The following NTRK3 variants were observed in gnomAD, a reference collection of about 807,000 sequenced individuals.
The protein encoded by NTRK3 is NT-3 growth factor receptor.
A neutral mutation model predicts 91.7 loss-of-function variants in NTRK3; 24 were observed. The ratio of observed to expected loss-of-function variants is 0.26; its 90% CI spans 0.19 to 0.37. The LOEUF (loss-of-function observed/expected upper bound fraction) is 0.37. Ranked by LOEUF, NTRK3 falls within the 10% of genes least tolerant of loss-of-function variation. The pLI is 1.00. For missense variants in NTRK3, 880 were observed against 1,068.9 expected, an observed-to-expected ratio of 0.82 and a Z score of 2.46; for synonymous variants, 483 against 404.0, an observed-to-expected ratio of 1.20 and a Z score of -2.34.
chr15:88,169,749 C>G (rs16941367), intron 5 of NTRK3, among the ~76,000 whole-genome samples: 8 of 152,288 alleles, frequency 5.3e-5, no homozygotes, highest in African/African-American at 1.9e-4. Flanking sequence ...GGCTTTCTCT[C>G]TCACTGCCAG....
intron 13 of NTRK3, among the ~76,000 whole-genome samples, chr15:88,090,853 GA>G (rs199929411): frequency 1.3e-5 from 2 of 150,686 alleles, no homozygotes; most frequent in Non-Finnish European, 3.0e-5. Context: ...CCCTAAATGT[GA>G]AAAAAAAAGC....
At chr15:88,167,166 A>C (rs2045044283) in intron 5 of NTRK3, among the ~76,000 whole-genome samples, 1 of 152,202 alleles carries the variant, frequency 6.6e-6, no homozygotes, top group Non-Finnish European at 1.5e-5. Context: ...ACTACTTTCA[A>C]GTTAGTTTCT....
intron 14 of NTRK3, among the ~76,000 whole-genome samples, chr15:88,010,092 C>G (rs948391299): frequency 6.6e-6 from 1 of 152,182 alleles, no homozygotes; most frequent in African/African-American, 2.4e-5. Flanking sequence ...TGTTCTCTGG[C>G]CTGTTTTGGC....
At chr15:88,206,354 AC>A (rs1395175331) in intron 3 of NTRK3, among the ~76,000 whole-genome samples, 3 of 129,900 alleles carry the variant, frequency 2.3e-5, no homozygotes, top group African/African-American at 9.0e-5. Context: ...AAAAAAAAAA[AC>A]CAAAAAACAA....
chr15:87,954,007 A>AGT (rs61653896), intron 14 of NTRK3, among the ~76,000 whole-genome samples: 7,394 of 127,592 alleles, frequency 0.058, 261 homozygotes, highest in Admixed American at 0.1. Flanking sequence ...AGACCTTTTC[A>AGT]GTGTGTGTGT....
At chr15:88,126,275 C>A (rs761732265) in exon 13 of NTRK3, 2 of 1,611,246 alleles carry the variant, frequency 1.2e-6, no homozygotes, top group Non-Finnish European at 1.7e-6. Context: ...CCTTACCCTT[C>A]ATTCCAAATT....
At chr15:88,068,931 G>C (rs539486491) in intron 13 of NTRK3, among the ~76,000 whole-genome samples, 2 of 152,286 alleles carry the variant, frequency 1.3e-5, no homozygotes, top group African/African-American at 4.8e-5. Context: ...AAAAAGGAAA[G>C]TAGAGCAGGA....
intron 5 of NTRK3, among the ~76,000 whole-genome samples, chr15:88,163,358 T>C (rs2044640006): frequency 6.6e-6 from 1 of 152,238 alleles, no homozygotes; most frequent in African/African-American, 2.4e-5. Context: ...CCAGAATGCC[T>C]GGCAAATTCT....
intron 13 of NTRK3, among the ~76,000 whole-genome samples, chr15:88,055,304 G>A (rs1272630364): frequency 6.6e-6 from 1 of 152,136 alleles, no homozygotes. Flanking sequence ...GGGGACATGT[G>A]GCATCTTAAT....
chr15:88,058,160 G>A (rs754737435), intron 13 of NTRK3, among the ~76,000 whole-genome samples: 1 of 152,198 alleles, frequency 6.6e-6, no homozygotes, highest in Non-Finnish European at 1.5e-5. Context: ...AGGGTCAGGA[G>A]CAAGTGTGTA....
chr15:88,085,507 A>G (rs1464004664), intron 13 of NTRK3, among the ~76,000 whole-genome samples: 1 of 152,210 alleles, frequency 6.6e-6, no homozygotes, highest in African/African-American at 2.4e-5. Context: ...CATGGGGCAC[A>G]CCAGCACCTT....
At chr15:87,965,774 A>G (rs961601340) in intron 14 of NTRK3, among the ~76,000 whole-genome samples, 2 of 152,186 alleles carry the variant, frequency 1.3e-5, no homozygotes, top group Non-Finnish European at 2.9e-5. Context: ...ATCATGATTC[A>G]GTATTTTTAA....
At chr15:88,108,089 A>G (rs1477323923) in intron 13 of NTRK3, among the ~76,000 whole-genome samples, 1 of 152,170 alleles carries the variant, frequency 6.6e-6, no homozygotes, top group African/African-American at 2.4e-5. Context: ...AGGAAGAGCA[A>G]TTCCAATCTG....
intron 14 of NTRK3, among the ~76,000 whole-genome samples, chr15:87,974,089 T>C (rs971882200): frequency 1.8e-4 from 28 of 152,196 alleles, no homozygotes; most frequent in Non-Finnish European, 4.4e-5. Flanking sequence ...GTATCTGAGA[T>C]GCTTGATCCT....
At chr15:87,944,604 G>T in intron 14 of NTRK3, among the ~76,000 whole-genome samples, 1 of 152,254 alleles carries the variant, frequency 6.6e-6, no homozygotes, top group South Asian at 2.1e-4. Context: ...GGCTGCCTTC[G>T]CTCTGTCTTC....
In NTRK3 at chr15:88,061,911, A is replaced by G. The variant is rs149852172; in HGVS notation, c.1397-28866T>C. Among the ~76,000 whole-genome samples, 844 of 152,304 alleles carry G rather than the reference A, an allele frequency of 5.5e-3. 10 individuals are homozygous for G. Among genetic ancestry groups the G allele is most frequent in the Middle Eastern group, 0.041 (12 of 294 alleles). ...GGCCCCTTATCCATCAAACGGGGGT[A>G]ATAATAGGACAATCGACCTTCGGTA... On this transcript the variant is annotated intron_variant, in intron 13 of 18. Coordinates refer to ENST00000394480, the Ensembl canonical transcript of NTRK3.
intron 3 of NTRK3, among the ~76,000 whole-genome samples, chr15:88,189,367 T>C (rs575139184): frequency 6.6e-6 from 1 of 152,274 alleles, no homozygotes; most frequent in Non-Finnish European, 1.5e-5. Context: ...ATTGATACAT[T>C]CATGGGGACT....
At chr15:88,064,679 A>C (rs2142545754) in intron 13 of NTRK3, among the ~76,000 whole-genome samples, 1 of 152,286 alleles carries the variant, frequency 6.6e-6, no homozygotes, top group Middle Eastern at 3.4e-3. Context: ...CCAGAGCGAG[A>C]GGGTGGACAT....
intron 17 of NTRK3, among the ~76,000 whole-genome samples, chr15:87,899,344 C>T (rs1037055079): frequency 1.3e-5 from 2 of 152,130 alleles, no homozygotes; most frequent in Non-Finnish European, 2.9e-5. Flanking sequence ...GTTTGTGCTG[C>T]TATAATAAGC....
Sources: gnomAD v4.1 joint callset for allele counts (sites outside exome capture counted in the v4.1 genomes callset) on GRCh38, gnomAD v4.1.1 for gene constraint, MANE v1.5 for transcripts, NCBI Gene and HGNC (gene_info 2026-07-23, HGNC 2026-07-21) for gene names.